The following DNAH5 variants were observed in gnomAD, a reference collection of about 807,000 sequenced individuals.
The protein encoded by DNAH5 is axonemal beta dynein heavy chain 5.
Under a neutral mutation model 518.2 loss-of-function variants are expected in DNAH5, and 372 were observed. The observed-to-expected ratio is 0.72, with a 90% CI of 0.66 to 0.78. The LOEUF (loss-of-function observed/expected upper bound fraction) is 0.78, where lower values mean the gene tolerates loss of function less well. Ranked by LOEUF, DNAH5 falls within the 30% of genes least tolerant of loss-of-function variation. The pLI is 0.00. For synonymous variants in DNAH5, 2,039 were observed against 2,025.9 expected (o/e 1.01, Z -0.17); for missense variants, 5,523 against 5,687.0 (o/e 0.97, Z 0.93).
At chr5:13,775,101 G>C (rs1291564421) in intron 55 of DNAH5, among the ~76,000 whole-genome samples, 1 of 132,782 alleles carries the variant, frequency 7.5e-6, no homozygotes, top group Non-Finnish European at 1.7e-5. Flanking sequence ...TTTCATCAGT[G>C]ACTTTTTGTA....
intron 41 of DNAH5, among the ~76,000 whole-genome samples, chr5:13,819,609 G>A (rs939923345): frequency 2.6e-5 from 4 of 152,048 alleles, no homozygotes; most frequent in Middle Eastern, 3.2e-3. Context: ...CAACCGTCAA[G>A]GTTCTGTGAC....
intron 28 of DNAH5, among the ~76,000 whole-genome samples, chr5:13,863,072 C>T (rs562153272): frequency 3.3e-5 from 5 of 152,172 alleles, no homozygotes; most frequent in Admixed American, 6.5e-5. Flanking sequence ...ATCACTGATT[C>T]AAAATTCAAT....
chr5:13,841,700 G>A lies in DNAH5; in HGVS notation c.5476C>T (p.Pro1826Ser). 6.2e-7 allele frequency: 1 copy of A among 1,611,696 alleles called. No homozygotes were observed. Among genetic ancestry groups the A allele is most frequent in the Non-Finnish European group, 8.5e-7 (1 of 1,177,884 alleles). The change falls in exon 33 of 79, where the codon CCT becomes TCT. Residue 1826 changes from proline (P) to serine (S), a missense_variant. Around this residue, in one of 3 missense-constraint regions of DNAH5, gnomAD observed 5,121 missense variants for 5,223.3 expected, o/e 0.98. Coordinates refer to ENST00000265104, the MANE Select transcript of DNAH5 (RefSeq NM_001369.3). ...FQLTEFLSSFPAQVGLLGIQM... is the reference protein window; with the variant it reads ...FQLTEFLSSFSAQVGLLGIQM... ...AATTTCAATACACTGACCTGAGCAGGGAAGGATGAAAGAAATTCAGTTAGT... is the reference window on the plus strand; with the variant it reads ...AATTTCAATACACTGACCTGAGCAGAGAAGGATGAAAGAAATTCAGTTAGT...
At chr5:13,836,247 C>T (rs1246218313) in intron 35 of DNAH5, among the ~76,000 whole-genome samples, 3 of 152,232 alleles carry the variant, frequency 2.0e-5, no homozygotes, top group African/African-American at 4.8e-5. Flanking sequence ...CTGTAAGCAA[C>T]CAACAGACAT....
chr5:13,874,890 G>A lies in DNAH5; in HGVS notation c.3396+1794C>T, dbSNP rs547143900. Among the ~76,000 whole-genome samples, 7 of 152,242 alleles carry A rather than the reference G, an allele frequency of 4.6e-5. No individual in the cohort carries two copies. The East Asian group carries it at 1.4e-3, about 29-fold the overall frequency. On this transcript the variant is annotated intron_variant, in intron 22 of 78. Coordinates refer to ENST00000265104, the MANE Select transcript of DNAH5 (RefSeq NM_001369.3). ...TATGGGCATGCTAAAGGCAGGTCAG[G>A]TTTACATTCTAATCCAATCAGCTAT...
Position 13,851,798 on chromosome 5 carries a change from G to C in DNAH5, c.4951-983C>G, listed in dbSNP as rs527394953. The stretch of plus-strand genomic sequence containing the variant: ...GAATCCTGGGCAAGATGGCCGAATA[G>C]GAATAGTTCCACCCTGCAGCTCCCA... On this transcript the variant is annotated intron_variant, in intron 30 of 78. Coordinates refer to ENST00000265104, the MANE Select transcript of DNAH5 (RefSeq NM_001369.3). Among the ~76,000 whole-genome samples, 8 of 152,118 alleles carry C rather than the reference G, an allele frequency of 5.3e-5. No individual in the cohort carries two copies. In the South Asian group the frequency reaches 1.7e-3, roughly 32 times the overall value.
Position 13,971,927 on chromosome 5 carries a change from A to G in DNAH5, c.12+39721T>C, listed in dbSNP as rs569904216. On this transcript the variant is annotated intron_variant, in intron 1 of 78. Transcript: ENST00000681290. Reference sequence around the variant, plus strand: ...TCTTCAGCTACCAAGGTGGGTAGAAAAAGACCATCAGGTGGGGGGCAGTGT... The same window carrying G: ...TCTTCAGCTACCAAGGTGGGTAGAAGAAGACCATCAGGTGGGGGGCAGTGT... Among the ~76,000 whole-genome samples the G allele has an allele frequency of 4.2e-3, 643 of 152,236 alleles. 2 individuals are homozygous for G. Among genetic ancestry groups the G allele is most frequent in the Non-Finnish European group, 6.5e-3 (445 of 68,012 alleles).
chr5:13,712,790 A>C (rs1196036234), intron 75 of DNAH5, among the ~76,000 whole-genome samples: 1 of 152,144 alleles, frequency 6.6e-6, no homozygotes, highest in Admixed American at 6.5e-5. Flanking sequence ...TTACTCCTGC[A>C]AGAATGGCCA....
At chr5:14,007,607 T>A (rs1386841438) in intron 1 of DNAH5, among the ~76,000 whole-genome samples, 1 of 152,196 alleles carries the variant, frequency 6.6e-6, no homozygotes, top group African/African-American at 2.4e-5. Context: ...AAATAGACAT[T>A]AAAATAGCAT....
At chr5:13,717,251 C>T (rs1744423479) in intron 73 of DNAH5, 64 bp downstream of exon 73, 3 of 1,438,782 alleles carry the variant, frequency 2.1e-6, no homozygotes, top group East Asian at 4.7e-5. Context: ...GCTAGGAGGT[C>T]CCGTGAGCTT....
intron 49 of DNAH5, among the ~76,000 whole-genome samples, chr5:13,792,953 C>T (rs1454901546): frequency 5.3e-5 from 8 of 152,322 alleles, no homozygotes; most frequent in South Asian, 4.1e-4. Flanking sequence ...AATCATTACT[C>T]GGGTAGGCAT....
chr5:13,915,099 G>A (rs1435504933), intron 9 of DNAH5, among the ~76,000 whole-genome samples: 2 of 152,190 alleles, frequency 1.3e-5, no homozygotes, highest in Admixed American at 1.3e-4. Flanking sequence ...GAAAACTAAT[G>A]TACAAAACCA....
In DNAH5 at chr5:13,717,872, T is replaced by C. The variant is rs75037027; in HGVS notation, c.12500-352A>G. On this transcript the variant is annotated intron_variant, in intron 72 of 78. Transcript: ENST00000265104. ...TACTACTCTATTATTATTACTGTTG[T>C]TTTGAGCATATACTTGGGGCATATA... Among the ~76,000 whole-genome samples, 26 of 152,292 alleles carry C rather than the reference T, an allele frequency of 1.7e-4. 1 individual carries two copies. The East Asian group carries it at 4.8e-3, about 28-fold the overall frequency.
chr5:13,913,898 G>T lies in DNAH5; in HGVS notation c.1381C>A (p.Gln461Lys). Residue 461 changes from glutamine (Q) to lysine (K), a missense_variant, in exon 11 of 79, where the codon CAA (glutamine) becomes AAA (lysine). Around this residue, in one of 3 missense-constraint regions of DNAH5, gnomAD observed 5,121 missense variants for 5,223.3 expected, o/e 0.98. Coordinates refer to ENST00000265104, the MANE Select transcript of DNAH5 (RefSeq NM_001369.3). The part of the protein sequence containing the change: ...QKLKQNPNAK[Q>K]FDFSEMYIFG... ...ATATACATCTCGCTAAAATCAAATTGTTTTGCATTTGGATTTTGTTTAAGC... is the reference window on the plus strand; with the variant it reads ...ATATACATCTCGCTAAAATCAAATTTTTTTGCATTTGGATTTTGTTTAAGC... The T allele has an allele frequency of 1.2e-6, 2 of 1,613,478 alleles. No individual in the cohort carries two copies. Among genetic ancestry groups the T allele is most frequent in the Non-Finnish European group, 1.7e-6 (2 of 1,179,548 alleles).
chr5:13,922,167 C>T lies in DNAH5; in HGVS notation c.600G>A (p.Leu200=). 6.2e-7 allele frequency: 1 copy of T among 1,614,090 alleles called. No individual in the cohort carries two copies. Among genetic ancestry groups the T allele is most frequent in the Non-Finnish European group, 8.5e-7 (1 of 1,179,994 alleles). The change falls in exon 5 of 79, where the codon TTG becomes TTA. Residue 200 remains leucine (L), a synonymous_variant. Coordinates refer to ENST00000265104, the MANE Select transcript of DNAH5 (RefSeq NM_001369.3). ...QDAANIRQEF[L]SSLEGFVNVL... The stretch of plus-strand genomic sequence containing the variant: ...CGTTCACAAAGCCTTCCAGGGAGCT[C>T]AAGAACTCCTGGCGAATGTTAGCTG...
chr5:13,906,848 G>C (rs1216066721), intron 12 of DNAH5, among the ~76,000 whole-genome samples: 1 of 152,094 alleles, frequency 6.6e-6, no homozygotes, highest in Non-Finnish European at 1.5e-5. Flanking sequence ...AAAAGATATA[G>C]ACTTTCATGC....
In DNAH5 at chr5:13,700,727, C is replaced by G; in HGVS notation, c.13636G>C (p.Asp4546His). The change falls in exon 78 of 79, where the codon GAC becomes CAC. Residue 4546 changes from aspartate to histidine, a missense_variant. Transcript: ENST00000265104. ...TCAATGAGTTTCATGTTCCTCTTGT[C>G]CCAGCCAGCACCTTCAAGATATAAG... ...YGLYLEGAGWDKRNMKLIESK... is the reference protein window; with the variant it reads ...YGLYLEGAGWHKRNMKLIESK... The G allele has an allele frequency of 6.2e-7, 1 of 1,614,144 alleles. No homozygotes were observed. The highest frequency in any genetic ancestry group is 8.5e-7 in the Non-Finnish European group (1 of 1,180,002).
chr5:13,726,757 C>T (rs1186612968), intron 70 of DNAH5, among the ~76,000 whole-genome samples: 1 of 152,188 alleles, frequency 6.6e-6, no homozygotes, highest in Non-Finnish European at 1.5e-5. Context: ...TTTTAACACT[C>T]CCTCTGGAGA....
At chr5:13,742,708 G>A (rs1008769220) in intron 65 of DNAH5, among the ~76,000 whole-genome samples, 10 of 151,952 alleles carry the variant, frequency 6.6e-5, no homozygotes, top group African/African-American at 1.7e-4. Context: ...CAAATTTGTC[G>A]ATTAAAGCAA....
Sources: allele counts gnomAD v4.1 joint callset (sites outside exome capture counted in the v4.1 genomes callset), GRCh38; gene constraint gnomAD v4.1.1; regional missense constraint gnomAD v4.1.1; transcripts MANE v1.5; gene names NCBI Gene and HGNC (gene_info 2026-07-23, HGNC 2026-07-21).